Variants in CTSO observed in about 807,000 individuals in gnomAD.
CTSO encodes cathepsin O.
A neutral mutation model predicts 42.4 loss-of-function variants in CTSO; 40 were observed. That is an observed-to-expected ratio of 0.94 (90% CI 0.73 to 1.23). The LOEUF (loss-of-function observed/expected upper bound fraction) is 1.23, where lower values mean the gene tolerates loss of function less well. Ranked by LOEUF, CTSO falls within the 50% of genes most tolerant of loss-of-function variation. CTSO has a pLI of 0.00. For missense variants in CTSO, 441 were observed against 396.0 expected, an observed-to-expected ratio of 1.11 and a Z score of -0.96; for synonymous variants, 156 against 146.2, an observed-to-expected ratio of 1.07 and a Z score of -0.48.
chr4:155,935,805 A>G (rs1743319560), intron 5 of CTSO, among the ~76,000 whole-genome samples: 1 of 152,218 alleles, frequency 6.6e-6, no homozygotes, highest in South Asian at 2.1e-4. Context: ...AATCAAAGAA[A>G]GATCTTCTTG....
chr4:155,933,440 T>C (rs980897969), intron 5 of CTSO, among the ~76,000 whole-genome samples: 1 of 152,066 alleles, frequency 6.6e-6, no homozygotes, highest in Admixed American at 6.6e-5. Context: ...GGACTCATAG[T>C]AAATTGGTAC....
chr4:155,939,504 GC>G lies in CTSO; in HGVS notation c.418del (p.Ala140GlnfsTer8), dbSNP rs1560788135. On this transcript the variant is annotated frameshift_variant, in exon 4 of 8. Transcript: ENST00000433477. LOFTEE classifies it high-confidence loss of function. ...GGCWAFSVVG[A>X]VESAYAIKGK... ...CTTTATTGCATAAGCAGATTCCACT[GC>G]CCCCACCACGCTGAAGGCCCAGCAT... is the stretch of plus-strand genomic sequence containing the variant. 6.2e-7 allele frequency: 1 copy of G among 1,613,764 alleles called. No individual in the cohort carries two copies. The highest frequency in any genetic ancestry group is 8.5e-7 in the Non-Finnish European group (1 of 1,179,890).
chr4:155,929,738 T>C, intron 5 of CTSO, 33 bp from the exon 6 acceptor site: 1 of 1,580,896 alleles, frequency 6.3e-7, no homozygotes, highest in African/African-American at 1.4e-5. Context: ...GTTAGAAAAT[T>C]TAGTTTTTAA....
At position 155,926,006 on chromosome 4, in the gene CTSO, T is replaced by C; in HGVS notation, c.*30A>G. On this transcript the variant is annotated 3_prime_UTR_variant, in exon 8 of 8. Transcript: ENST00000433477. ...CATTGCATTATGAAAACCTTCATTT[T>C]TGTAGCTGTCTCTTGATCTGCCCAA... 1.9e-6 allele frequency: 3 copies of C among 1,593,864 alleles called. No homozygotes were observed. Among genetic ancestry groups the C allele is most frequent in the South Asian group, 1.1e-5 (1 of 88,524 alleles).
intron 6 of CTSO, among the ~76,000 whole-genome samples, chr4:155,929,127 C>G (rs1743185196): frequency 1.3e-5 from 2 of 152,244 alleles, no homozygotes; most frequent in South Asian, 4.1e-4. Flanking sequence ...CTGCAGACAA[C>G]TAGTCAGACC....
chr4:155,948,065 C>CT (rs34548017), intron 1 of CTSO, among the ~76,000 whole-genome samples: 89,226 of 136,348 alleles, frequency 0.65, 27,605 homozygotes, highest in East Asian at 0.79. Flanking sequence ...CTACCTTCAC[C>CT]TTTTTTTTGT....
intron 1 of CTSO, among the ~76,000 whole-genome samples, chr4:155,946,491 A>G (rs1259343247): frequency 6.6e-6 from 1 of 152,144 alleles, no homozygotes; most frequent in African/African-American, 2.4e-5. Context: ...ATATCTCCAC[A>G]TATATTTTCT....
intron 5 of CTSO, among the ~76,000 whole-genome samples, chr4:155,933,925 A>G (rs1301789889): frequency 1.8e-4 from 28 of 152,240 alleles, no homozygotes; most frequent in Admixed American, 1.8e-3. Context: ...ATGATGCAGT[A>G]GAAAAGAAAA....
chr4:155,946,600 C>T (rs1443854656), intron 1 of CTSO, among the ~76,000 whole-genome samples: 1 of 152,044 alleles, frequency 6.6e-6, no homozygotes, highest in African/African-American at 2.4e-5. Context: ...AACCAGGAGC[C>T]AACTTCTAAA....
chr4:155,938,228 T>A (rs1373195233), intron 4 of CTSO, among the ~76,000 whole-genome samples: 1 of 152,314 alleles, frequency 6.6e-6, no homozygotes, highest in Non-Finnish European at 1.5e-5. Context: ...ATATAGCATA[T>A]GTCAAATACT....
intron 6 of CTSO, 101 bp downstream of exon 6, chr4:155,929,441 A>G: frequency 8.1e-7 from 1 of 1,227,970 alleles, no homozygotes; most frequent in Non-Finnish European, 1.1e-6. Context: ...ATGAGGACTT[A>G]ATCATAGCAG....
chr4:155,933,025 C>T (rs1030471652), intron 5 of CTSO, among the ~76,000 whole-genome samples: 80 of 151,982 alleles, frequency 5.3e-4, no homozygotes, highest in African/African-American at 1.8e-3. Flanking sequence ...CTATACATAC[C>T]CCTCATCTCT....
intron 3 of CTSO, among the ~76,000 whole-genome samples, chr4:155,940,927 TA>T (rs34103300): frequency 0.57 from 82,654 of 146,132 alleles, 24,372 homozygotes; most frequent in Middle Eastern, 0.73. Flanking sequence ...AGTTCCTGCT[TA>T]AAAAAAAAAA....
chr4:155,932,010 G>C (rs1488463337), intron 5 of CTSO, among the ~76,000 whole-genome samples: 1 of 151,860 alleles, frequency 6.6e-6, no homozygotes, highest in Admixed American at 6.6e-5. Flanking sequence ...GTGTTATACT[G>C]TGTCTGAATT....
At chr4:155,928,853 A>C (rs1743178873) in intron 6 of CTSO, among the ~76,000 whole-genome samples, 3 of 152,236 alleles carry the variant, frequency 2.0e-5, no homozygotes, top group Non-Finnish European at 4.4e-5. Context: ...AAAAATTGAC[A>C]GGTGGAATCT....
chr4:155,931,682 T>G (rs1743236417), intron 5 of CTSO, among the ~76,000 whole-genome samples: 1 of 152,168 alleles, frequency 6.6e-6, no homozygotes, highest in African/African-American at 2.4e-5. Flanking sequence ...ACATGTACAT[T>G]GTTATAATGG....
In CTSO at chr4:155,943,953, G is replaced by A. The variant is rs149570911; in HGVS notation, c.136-689C>T. Among the ~76,000 whole-genome samples, 32 of 152,178 alleles carry A rather than the reference G, an allele frequency of 2.1e-4. 1 individual carries two copies. The South Asian group carries it at 3.1e-3, about 15-fold the overall frequency. On this transcript the variant is annotated intron_variant, in intron 1 of 7. Coordinates refer to ENST00000433477, the MANE Select transcript of CTSO (RefSeq NM_001334.3). ...TTATATATAAACATGCTTCAATTTC[G>A]TAATACTAACCAATTACATAGAATA... is the stretch of plus-strand genomic sequence containing the variant.
intron 3 of CTSO, among the ~76,000 whole-genome samples, chr4:155,940,483 A>G (rs1038966302): frequency 1.3e-5 from 2 of 152,084 alleles, no homozygotes; most frequent in Non-Finnish European, 2.9e-5. Flanking sequence ...TAAAGGTTAT[A>G]TCTCTATCTC....
chr4:155,926,040 AC>A lies in CTSO; in HGVS notation c.961del (p.Val321CysfsTer21). 1 of 1,603,944 alleles carries A rather than the reference AC, an allele frequency of 6.2e-7. No individual in the cohort carries two copies. Among genetic ancestry groups the A allele is most frequent in the Non-Finnish European group, 8.5e-7 (1 of 1,174,868 alleles). On this transcript the variant is annotated frameshift_variant, in exon 8 of 8. Coordinates refer to ENST00000433477, the MANE Select transcript of CTSO (RefSeq NM_001334.3). LOFTEE classifies it high-confidence loss of function. Reference sequence around the variant, plus strand: ...TCTCTTGATCTGCCCAACATGTCACACAAATATAGAAGAAACGGAATCTGCA... The same window carrying A: ...TCTCTTGATCTGCCCAACATGTCACAAAATATAGAAGAAACGGAATCTGCA... ...GIADSVSSIF[V>X]
Sources: gnomAD v4.1 joint callset for allele counts (sites outside exome capture counted in the v4.1 genomes callset) on GRCh38, gnomAD v4.1.1 for gene constraint, MANE v1.5 for transcripts, NCBI Gene and HGNC (gene_info 2026-07-23, HGNC 2026-07-21) for gene names.